Variants in PREP observed in about 807,000 individuals in gnomAD.
PREP encodes the protein dJ355L5.1 (prolyl endopeptidase).
PREP carries 29 observed loss-of-function variants against 87.6 expected under a neutral mutation model. The observed-to-expected ratio is 0.33, with a 90% CI of 0.25 to 0.45. The LOEUF (loss-of-function observed/expected upper bound fraction) is 0.45. Ranked by LOEUF, PREP falls within the 20% of genes least tolerant of loss-of-function variation. The pLI is 1.00. For missense variants in PREP, 695 were observed against 886.5 expected, an observed-to-expected ratio of 0.78 and a Z score of 2.74; for synonymous variants, 337 against 328.6, an observed-to-expected ratio of 1.03 and a Z score of -0.28.
At position 105,276,875 on chromosome 6, in the gene PREP, T is replaced by G. The variant is rs1051832641; in HGVS notation, c.*1269A>C. Reference sequence around the variant, plus strand: ...GCACATACATATACAACTTGGAAGATGGGACTTACTTGGAAAAGTACAAAT... The same window carrying G: ...GCACATACATATACAACTTGGAAGAGGGGACTTACTTGGAAAAGTACAAAT... On this transcript the variant is annotated 3_prime_UTR_variant, in exon 15 of 15. Transcript: ENST00000652536. Among the ~76,000 whole-genome samples, 2 of 152,190 alleles carry G rather than the reference T, an allele frequency of 1.3e-5. No individual in the cohort carries two copies. The highest frequency in any genetic ancestry group is 4.8e-5 in the African/African-American group (2 of 41,444).
At position 105,329,000 on chromosome 6, in the gene PREP, A is replaced by G; in HGVS notation, c.1042T>C (p.Phe348Leu). 1 of 1,614,106 alleles carries G rather than the reference A, an allele frequency of 6.2e-7. No individual in the cohort carries two copies. The highest frequency in any genetic ancestry group is 8.5e-7 in the Non-Finnish European group (1 of 1,179,932). The change falls in exon 9 of 15, where the codon TTC becomes CTC. Residue 348 changes from phenylalanine to leucine, a missense_variant. Phe to Leu is a conservative substitution (Grantham distance 22, BLOSUM62 0). This residue lies in a region of PREP where 517 missense variants were observed against 620.3 expected (regional missense o/e 0.83). Transcript: ENST00000652536. Reference sequence around the variant, plus strand: ...TCATGGAGGTAGCATAAGACCAAGAAGTTGGACCTGACACAAGCTATCCAT... The same window carrying G: ...TCATGGAGGTAGCATAAGACCAAGAGGTTGGACCTGACACAAGCTATCCAT... ...LEWIACVRSN[F>L]LVLCYLHDVK...
Position 105,402,842 on chromosome 6 carries a change from C to A in PREP, c.45+5G>T. The A allele has an allele frequency of 6.5e-7, 1 of 1,543,824 alleles. No individual in the cohort carries two copies. Among genetic ancestry groups the A allele is most frequent in the African/African-American group, 1.4e-5 (1 of 73,486 alleles). ...AGCCCTCTGGGCGGAGGCAGAGATA[C>A]TTACGGCGGTCTCGTCGCGGTACAC... On this transcript the variant is annotated splice_donor_5th_base_variant and intron_variant, in intron 1 of 14. Coordinates refer to ENST00000652536, the MANE Select transcript of PREP (RefSeq NM_002726.5).
chr6:105,389,176 C>T (rs1322305351), intron 2 of PREP, among the ~76,000 whole-genome samples: 4 of 152,236 alleles, frequency 2.6e-5, no homozygotes, highest in Non-Finnish European at 5.9e-5. Flanking sequence ...CCAAGCAGCA[C>T]CATCTTCGTT....
At chr6:105,361,712 T>C (rs1583081820) in intron 6 of PREP, among the ~76,000 whole-genome samples, 1 of 152,340 alleles carries the variant, frequency 6.6e-6, no homozygotes, top group East Asian at 1.9e-4. Context: ...ATATAAATCT[T>C]TTGAATTCCT....
At chr6:105,314,565 GCAACT>G (rs1032925319) in intron 10 of PREP, among the ~76,000 whole-genome samples, 2 of 152,134 alleles carry the variant, frequency 1.3e-5, no homozygotes, top group Non-Finnish European at 2.9e-5. Context: ...TCACAAGAAG[GCAACT>G]CCTCATCCAT....
At chr6:105,348,416 ATAGGGACTGCTC>A (rs1307951894) in intron 7 of PREP, among the ~76,000 whole-genome samples, 1 of 152,188 alleles carries the variant, frequency 6.6e-6, no homozygotes, top group Non-Finnish European at 1.5e-5. Flanking sequence ...TGTGAGTCCA[ATAGGGACTGCTC>A]TAGGTGCTGG....
chr6:105,388,870 G>A (rs1238338445), intron 2 of PREP, among the ~76,000 whole-genome samples: 1 of 152,140 alleles, frequency 6.6e-6, no homozygotes, highest in African/African-American at 2.4e-5. Flanking sequence ...GGGTTCACAA[G>A]GTATCAATTT....
In PREP at chr6:105,330,549, G is replaced by A. The variant is rs928857443; in HGVS notation, c.1016-1523C>T. ...GAGAAAACGAAGGGCAAGCACAGAGGTCTGCCTGAGGTAGGGCCAGGTCAC... is the reference window on the plus strand; with the variant it reads ...GAGAAAACGAAGGGCAAGCACAGAGATCTGCCTGAGGTAGGGCCAGGTCAC... On this transcript the variant is annotated intron_variant, in intron 8 of 14. Transcript: ENST00000652536. 3.9e-5 allele frequency among the ~76,000 whole-genome samples: 6 copies of A among 152,238 alleles called. No individual in the cohort carries two copies. The South Asian group carries it at 8.3e-4, about 21-fold the overall frequency.
At chr6:105,321,353 C>T (rs752777439) in intron 10 of PREP, among the ~76,000 whole-genome samples, 3 of 152,232 alleles carry the variant, frequency 2.0e-5, no homozygotes, top group South Asian at 2.1e-4. Context: ...GCTCAATGCC[C>T]GGAACTTTTG....
At chr6:105,288,336 C>T (rs746483161) in intron 11 of PREP, among the ~76,000 whole-genome samples, 3 of 152,164 alleles carry the variant, frequency 2.0e-5, no homozygotes, top group Non-Finnish European at 2.9e-5. Flanking sequence ...TCTATGAAAA[C>T]AAGCAGCAAG....
chr6:105,341,684 C>T (rs923492161), intron 7 of PREP, among the ~76,000 whole-genome samples: 5 of 152,084 alleles, frequency 3.3e-5, no homozygotes, highest in African/African-American at 1.2e-4. Context: ...CAAATAGATG[C>T]AATAAAAAAT....
intron 10 of PREP, among the ~76,000 whole-genome samples, chr6:105,317,842 T>C (rs1204239111): frequency 6.6e-6 from 1 of 152,246 alleles, no homozygotes; most frequent in African/African-American, 2.4e-5. Flanking sequence ...TACGCTTGCA[T>C]CACGCTTCAT....
rs1008716366 is a variant in PREP, at chr6:105,309,413, G to A, written c.1317+14252C>T. Reference sequence around the variant, plus strand: ...TATTGTGGGTGTAATGTGTTTATGCGATCTCGACTCACCGCAAACTCTGCC... The same window carrying A: ...TATTGTGGGTGTAATGTGTTTATGCAATCTCGACTCACCGCAAACTCTGCC... On this transcript the variant is annotated intron_variant, in intron 10 of 14. Coordinates refer to ENST00000652536, the MANE Select transcript of PREP (RefSeq NM_002726.5). Among the ~76,000 whole-genome samples, 5 of 151,228 alleles carry A rather than the reference G, an allele frequency of 3.3e-5. No individual in the cohort carries two copies. The South Asian group carries it at 8.3e-4, about 25-fold the overall frequency.
intron 10 of PREP, among the ~76,000 whole-genome samples, chr6:105,299,993 T>G (rs998843465): frequency 2.6e-5 from 4 of 151,524 alleles, no homozygotes; most frequent in Non-Finnish European, 5.9e-5. Flanking sequence ...GCCTCCTAGG[T>G]TCAAGCGATT....
chr6:105,402,695 C>CT, intron 1 of PREP, 152 bp downstream of exon 1: 1 of 662,674 alleles, frequency 1.5e-6, no homozygotes, highest in Non-Finnish European at 2.3e-6. Flanking sequence ...GAGCCCCGCG[C>CT]CCCCGGCCCA....
intron 13 of PREP, 58 bp downstream of exon 13, chr6:105,282,393 A>G: frequency 6.4e-7 from 1 of 1,563,576 alleles, no homozygotes; most frequent in Non-Finnish European, 8.7e-7. Context: ...CAGATGGTGT[A>G]TCTGAAAACC....
intron 8 of PREP, among the ~76,000 whole-genome samples, chr6:105,330,208 C>T (rs1266059124): frequency 2.0e-5 from 3 of 152,086 alleles, no homozygotes; most frequent in Admixed American, 2.0e-4. Context: ...ACAAGGGCAA[C>T]ATAAAGATGG....
intron 10 of PREP, among the ~76,000 whole-genome samples, chr6:105,294,625 G>A (rs1242026169): frequency 1.3e-5 from 2 of 152,112 alleles, no homozygotes; most frequent in South Asian, 2.1e-4. Flanking sequence ...TAAAGAAGGC[G>A]AGCTGCATAA....
At chr6:105,315,039 T>A (rs933025224) in intron 10 of PREP, among the ~76,000 whole-genome samples, 1 of 152,246 alleles carries the variant, frequency 6.6e-6, no homozygotes, top group African/African-American at 2.4e-5. Context: ...GGAATTGTTC[T>A]AAGCAGTAGG....
Sources: gnomAD v4.1 joint callset for allele counts (sites outside exome capture counted in the v4.1 genomes callset) on GRCh38, gnomAD v4.1.1 for gene constraint, gnomAD v4.1.1 regional missense constraint, MANE v1.5 for transcripts, NCBI Gene and HGNC (gene_info 2026-07-23, HGNC 2026-07-21) for gene names.